The following ASCC3 variants were observed in gnomAD, a reference collection of about 807,000 sequenced individuals.
ASCC3 encodes the protein ASC-1 complex subunit P200.
ASCC3 carries 158 observed loss-of-function variants against 256.3 expected under a neutral mutation model. That is an observed-to-expected ratio of 0.62 (90% CI 0.54 to 0.70). The LOEUF (loss-of-function observed/expected upper bound fraction) is 0.70, where lower values mean the gene tolerates loss of function less well. ASCC3 is among the 30% of genes least tolerant of loss of function. The pLI is 0.00. For missense variants in ASCC3, 2,259 were observed against 2,626.0 expected (o/e 0.86, Z 3.05); for synonymous variants, 948 against 883.4 (o/e 1.07, Z -1.30).
intron 36 of ASCC3, among the ~76,000 whole-genome samples, chr6:100,586,570 C>T (rs541687948): frequency 1.7e-3 from 260 of 152,246 alleles, no homozygotes; most frequent in African/African-American, 5.7e-3. Context: ...CTTTGGCTCA[C>T]GCACGGTGTG....
At chr6:100,564,346 C>T (rs1378682453) in intron 36 of ASCC3, among the ~76,000 whole-genome samples, 1 of 152,080 alleles carries the variant, frequency 6.6e-6, no homozygotes, top group Admixed American at 6.6e-5. Flanking sequence ...ATTAACCCAC[C>T]TCTCTTCATC....
intron 36 of ASCC3, among the ~76,000 whole-genome samples, chr6:100,584,391 C>T (rs1771518119): frequency 6.6e-6 from 1 of 151,630 alleles, no homozygotes. Flanking sequence ...TCTGTTTTAT[C>T]AGAGACTAGG....
chr6:100,523,762 T>C (rs979925942), intron 37 of ASCC3, among the ~76,000 whole-genome samples: 1 of 152,220 alleles, frequency 6.6e-6, no homozygotes, highest in African/African-American at 2.4e-5. Context: ...TCCAAACCTA[T>C]AGACACTTTT....
chr6:100,874,225 T>C (rs1265710970), intron 1 of ASCC3, among the ~76,000 whole-genome samples: 1 of 152,148 alleles, frequency 6.6e-6, no homozygotes, highest in Non-Finnish European at 1.5e-5. Flanking sequence ...CCCAGCACTT[T>C]GGGAGGCCGA....
chr6:100,827,948 C>G (rs1472513097), intron 4 of ASCC3, among the ~76,000 whole-genome samples: 3 of 151,942 alleles, frequency 2.0e-5, no homozygotes, highest in Non-Finnish European at 4.4e-5. Flanking sequence ...ATCATGTAGA[C>G]AAAGGCAGCT....
At chr6:100,763,543 G>T (rs183122421) in intron 10 of ASCC3, among the ~76,000 whole-genome samples, 162 of 152,244 alleles carry the variant, frequency 1.1e-3, no homozygotes, top group Non-Finnish European at 1.9e-3. Flanking sequence ...CAAAGCTTCG[G>T]GAGAGAATAA....
At chr6:100,530,232 G>T in intron 37 of ASCC3, 1 of 821,252 alleles carries the variant, frequency 1.2e-6, no homozygotes, top group Non-Finnish European at 2.1e-6. Context: ...CTGCTCATTC[G>T]CTCAGAGCCA....
chr6:100,719,388 A>G (rs1478847713), intron 11 of ASCC3, among the ~76,000 whole-genome samples: 3 of 152,108 alleles, frequency 2.0e-5, no homozygotes, highest in Non-Finnish European at 2.9e-5. Context: ...TAATTATCCC[A>G]CAGTTCTATG....
chr6:100,655,944 G>T, intron 16 of ASCC3, 126 bp from the exon 17 acceptor site: 1 of 1,090,082 alleles, frequency 9.2e-7, no homozygotes, highest in Non-Finnish European at 1.4e-6. Context: ...AAAAAGGTAG[G>T]CATAGTGACT....
chr6:100,839,435 AT>A (rs1772034654), intron 4 of ASCC3, among the ~76,000 whole-genome samples: 1 of 152,254 alleles, frequency 6.6e-6, no homozygotes, highest in Non-Finnish European at 1.5e-5. Context: ...AAAATCTGTT[AT>A]TGCCATAAAT....
At chr6:100,531,725 T>G (rs1011581480) in intron 37 of ASCC3, among the ~76,000 whole-genome samples, 4 of 152,120 alleles carry the variant, frequency 2.6e-5, no homozygotes, top group African/African-American at 4.8e-5. Context: ...TTCAAAAGGT[T>G]CCACAGAACT....
Position 100,601,829 on chromosome 6 carries a change from G to T in ASCC3, c.5284C>A (p.Arg1762Ser), listed in dbSNP as rs138910225. The T allele has an allele frequency of 6.1e-5, 98 of 1,612,162 alleles. No homozygotes were observed. Among genetic ancestry groups the T allele is most frequent in the Non-Finnish European group, 8.1e-5 (95 of 1,178,754 alleles). ...DYITWTYFFR[R>S]LIMNPSYYNL... Reference sequence around the variant, plus strand: ...ACTTACCTGGGATTCATGATAAGACGTCGGAAAAAGTAAGTCCAGGTGATA... The same window carrying T: ...ACTTACCTGGGATTCATGATAAGACTTCGGAAAAAGTAAGTCCAGGTGATA... Residue 1762 changes from arginine (R) to serine (S), a missense_variant, in exon 34 of 42, where the codon CGT becomes AGT. Physicochemically the swap from Arg to Ser is moderately radical, Grantham distance 110. Transcript: ENST00000369162.
chr6:100,626,022 G>A (rs73500990), intron 29 of ASCC3, among the ~76,000 whole-genome samples: 178 of 152,114 alleles, frequency 1.2e-3, no homozygotes, highest in African/African-American at 4.2e-3. Context: ...ACACAAAGAA[G>A]ATGAGATGAC....
chr6:100,796,881 G>C (rs1298683593), intron 8 of ASCC3, among the ~76,000 whole-genome samples: 2 of 152,100 alleles, frequency 1.3e-5, no homozygotes, highest in Non-Finnish European at 1.5e-5. Flanking sequence ...AAACAAAACT[G>C]TGGTCATCTA....
At chr6:100,706,024 C>T (rs550997636) in intron 13 of ASCC3, among the ~76,000 whole-genome samples, 37 of 151,796 alleles carry the variant, frequency 2.4e-4, no homozygotes, top group African/African-American at 8.7e-4. Context: ...CATATATATA[C>T]ACACATGCAC....
intron 16 of ASCC3, 119 bp from the exon 17 acceptor site, chr6:100,655,937 AAGGT>A (rs1775893554): frequency 8.3e-7 from 1 of 1,209,570 alleles, no homozygotes; most frequent in African/African-American, 1.5e-5. Context: ...TATTTTTAAA[AAGGT>A]AGGCATAGTG....
Position 100,608,748 on chromosome 6 carries a change from TATA to T in ASCC3, c.4786-1663_4786-1661del, listed in dbSNP as rs1193257555. On this transcript the variant is annotated intron_variant, in intron 30 of 41. Coordinates refer to ENST00000369162, the MANE Select transcript of ASCC3 (RefSeq NM_006828.4). ...TATATACTTTATATATATATATATATATATATATATATATATATATACTTTTTC... is the reference window on the plus strand; with the variant it reads ...TATATACTTTATATATATATATATATTATATATATATATATATACTTTTTC... Among the ~76,000 whole-genome samples, 13 of 38,616 alleles carry T rather than the reference TATA, an allele frequency of 3.4e-4. 3 individuals carry two copies. The highest frequency in any genetic ancestry group is 1.6e-3 in the Admixed American group (3 of 1,928). 25.3% of individuals were successfully genotyped at this position (38,616 alleles called of 152,430 possible). A position where few individuals can be genotyped will look rare whatever the true frequency, so the allele number is the denominator to read the frequency against.
chr6:100,880,254 C>T (rs1221189146), intron 1 of ASCC3, among the ~76,000 whole-genome samples: 1 of 151,772 alleles, frequency 6.6e-6, no homozygotes, highest in East Asian at 1.9e-4. Flanking sequence ...AAACCAAAAG[C>T]TTAATTCTCA....
At chr6:100,528,403 A>G (rs1368778925) in intron 37 of ASCC3, among the ~76,000 whole-genome samples, 1 of 152,216 alleles carries the variant, frequency 6.6e-6, no homozygotes, top group East Asian at 1.9e-4. Flanking sequence ...GTATAGACAT[A>G]CAATTCATAT....
Sources: gnomAD v4.1 joint callset for allele counts (sites outside exome capture counted in the v4.1 genomes callset) on GRCh38, gnomAD v4.1.1 for gene constraint, MANE v1.5 for transcripts, NCBI Gene and HGNC (gene_info 2026-07-23, HGNC 2026-07-21) for gene names.